The following ESRRG variants were observed in gnomAD, a reference collection of about 807,000 sequenced individuals.
ESRRG encodes estrogen-related receptor gamma.
Under a neutral mutation model 44.0 loss-of-function variants are expected in ESRRG, and 13 were observed. That is an observed-to-expected ratio of 0.30 (90% CI 0.19 to 0.47). ESRRG has a LOEUF of 0.47. ESRRG is among the 20% of genes least tolerant of loss of function. The pLI is 1.00. For missense variants in ESRRG, 395 were observed against 580.6 expected (o/e 0.68, Z 3.29); for synonymous variants, 215 against 214.6 (o/e 1.00, Z -0.02).
chr1:217,125,796 ACTT>A (rs919655773), intron 1 of ESRRG, among the ~76,000 whole-genome samples: 8 of 152,322 alleles, frequency 5.3e-5, no homozygotes, highest in South Asian at 4.1e-4. Context: ...TGGTCAGACA[ACTT>A]CTTCTTTCCT....
At chr1:216,682,600 A>G (rs975628210) in intron 1 of ESRRG, among the ~76,000 whole-genome samples, 4 of 152,150 alleles carry the variant, frequency 2.6e-5, no homozygotes, top group Non-Finnish European at 5.9e-5. Context: ...TACTGATTCA[A>G]AACAAAAATG....
At chr1:216,837,616 G>A (rs190547364) in intron 2 of ESRRG, among the ~76,000 whole-genome samples, 14 of 152,218 alleles carry the variant, frequency 9.2e-5, no homozygotes, top group Admixed American at 9.2e-4. Flanking sequence ...GTCATCAAGA[G>A]AATCTGAGAG....
intron 2 of ESRRG, among the ~76,000 whole-genome samples, chr1:216,675,879 AC>A (rs1288241110): frequency 6.6e-6 from 1 of 151,484 alleles, no homozygotes; most frequent in Non-Finnish European, 1.5e-5. Flanking sequence ...GCTTTCAAAA[AC>A]CCCCCTTTCC....
At chr1:216,802,682 A>T (rs1333501214) in intron 2 of ESRRG, among the ~76,000 whole-genome samples, 1 of 152,024 alleles carries the variant, frequency 6.6e-6, no homozygotes, top group Non-Finnish European at 1.5e-5. Flanking sequence ...TTAGACAGAA[A>T]ATTTCAGATG....
At chr1:216,688,790 A>T (rs1297463254) in intron 1 of ESRRG, among the ~76,000 whole-genome samples, 1 of 152,216 alleles carries the variant, frequency 6.6e-6, no homozygotes, top group East Asian at 1.9e-4. Flanking sequence ...TCACTTTCAG[A>T]ACTGGCTATA....
intron 3 of ESRRG, among the ~76,000 whole-genome samples, chr1:216,636,641 C>T (rs1435853189): frequency 1.3e-5 from 2 of 152,154 alleles, no homozygotes; most frequent in African/African-American, 4.8e-5. Flanking sequence ...TTAACTGAGG[C>T]TGCAAGTTAG....
At chr1:216,881,908 T>C (rs2149321813) in intron 2 of ESRRG, among the ~76,000 whole-genome samples, 1 of 152,062 alleles carries the variant, frequency 6.6e-6, no homozygotes, top group African/African-American at 2.4e-5. Flanking sequence ...GTTTTCAAAG[T>C]ACAGAATTCC....
chr1:216,561,257 C>T (rs1413489288), intron 5 of ESRRG, among the ~76,000 whole-genome samples: 3 of 151,960 alleles, frequency 2.0e-5, no homozygotes, highest in South Asian at 2.1e-4. Context: ...TACTCATTTT[C>T]GATGCTAAAC....
intron 1 of ESRRG, among the ~76,000 whole-genome samples, chr1:217,036,113 A>G (rs1185518638): frequency 1.3e-5 from 2 of 152,204 alleles, no homozygotes; most frequent in Non-Finnish European, 2.9e-5. Flanking sequence ...ATGGGATACT[A>G]TTATCTCAAG....
chr1:216,758,890 T>TA (rs1225950185), intron 2 of ESRRG, among the ~76,000 whole-genome samples: 1 of 151,958 alleles, frequency 6.6e-6, no homozygotes, highest in African/African-American at 2.4e-5. Context: ...CTTGAGTACT[T>TA]ACTATATATT....
chr1:216,849,653 A>T (rs974198147), intron 2 of ESRRG, among the ~76,000 whole-genome samples: 3 of 152,062 alleles, frequency 2.0e-5, no homozygotes, highest in Admixed American at 6.6e-5. Context: ...TGCTTGAAAA[A>T]CTTTCCTTGA....
intron 1 of ESRRG, among the ~76,000 whole-genome samples, chr1:217,005,022 A>G (rs573195590): frequency 6.6e-6 from 1 of 152,286 alleles, no homozygotes; most frequent in African/African-American, 2.4e-5. Context: ...AAAGCTATTT[A>G]TTGCCGATCA....
intron 1 of ESRRG, among the ~76,000 whole-genome samples, chr1:217,029,832 G>T (rs1266906784): frequency 6.6e-6 from 1 of 152,124 alleles, no homozygotes; most frequent in African/African-American, 2.4e-5. Context: ...AAATAAAAAC[G>T]CAGCTGACCA....
chr1:216,948,350 G>A (rs1406670695), intron 1 of ESRRG, among the ~76,000 whole-genome samples: 7 of 151,468 alleles, frequency 4.6e-5, no homozygotes, highest in East Asian at 2.0e-4. Context: ...GGTGGTGCAC[G>A]CCTGTAATCC....
chr1:216,559,598 A>G (rs1020372842), intron 5 of ESRRG, among the ~76,000 whole-genome samples: 2 of 152,208 alleles, frequency 1.3e-5, no homozygotes, highest in Non-Finnish European at 2.9e-5. Flanking sequence ...TCACACACAT[A>G]TATACATAGA....
chr1:216,593,253 G>C (rs1280757775), intron 3 of ESRRG, among the ~76,000 whole-genome samples: 1 of 152,110 alleles, frequency 6.6e-6, no homozygotes, highest in East Asian at 1.9e-4. Flanking sequence ...AAAATGGACA[G>C]TCTTCTATTG....
chr1:216,868,725 C>T (rs1224974559), intron 2 of ESRRG, among the ~76,000 whole-genome samples: 1 of 152,120 alleles, frequency 6.6e-6, no homozygotes, highest in Non-Finnish European at 1.5e-5. Context: ...GTCTCATCAG[C>T]ACTAGGTATA....
chr1:217,025,222 G>A (rs900494607), intron 1 of ESRRG, among the ~76,000 whole-genome samples: 1 of 152,170 alleles, frequency 6.6e-6, no homozygotes, highest in African/African-American at 2.4e-5. Context: ...TTTGTTTTCT[G>A]AAAACAAGGC....
intron 5 of ESRRG, among the ~76,000 whole-genome samples, chr1:216,523,490 GTTTTTTTTTTTGTTT>G (rs2046708721): frequency 7.9e-6 from 1 of 126,328 alleles, no homozygotes; most frequent in East Asian, 2.1e-4. Flanking sequence ...ATCAAGCACT[GTTTTTTTTTTTGTTT>G]TTTTTTTTTT....
Sources: gnomAD v4.1 joint callset for allele counts (sites outside exome capture counted in the v4.1 genomes callset) on GRCh38, gnomAD v4.1.1 for gene constraint, MANE v1.5 for transcripts, NCBI Gene and HGNC (gene_info 2026-07-23, HGNC 2026-07-21) for gene names.